ANK3: variants seen among roughly 807,000 people sequenced by gnomAD.
The protein encoded by ANK3 is ankyrin-3.
A neutral mutation model predicts 370.9 loss-of-function variants in ANK3; 57 were observed. The ratio of observed to expected loss-of-function variants is 0.15; its 90% CI spans 0.12 to 0.19. The LOEUF is 0.19. Among genes scored for constraint, ANK3 ranks in the 10% least tolerant of loss-of-function variants. The pLI, the probability that ANK3 is intolerant of heterozygous loss-of-function variation, is 1.00. For missense variants in ANK3, 4,439 were observed against 5,302.1 expected (o/e 0.84, Z 5.06); for synonymous variants, 1,929 against 1,946.3 (o/e 0.99, Z 0.23).
At chr10:60,392,980 ATTC>A (rs377264474), upstream of ANK3, among the ~76,000 whole-genome samples, 118 of 152,204 alleles carry the variant, frequency 7.8e-4, no homozygotes, top group African/African-American at 2.7e-3. Flanking sequence ...AAGGACAAAA[ATTC>A]TTAAGTGACT....
chr10:60,387,993 G>T (rs997217346), intron 1 of ANK3, among the ~76,000 whole-genome samples: 1 of 151,566 alleles, frequency 6.6e-6, no homozygotes, highest in African/African-American at 2.4e-5. Flanking sequence ...ATCACGGTGG[G>T]GGTAGGCAGA....
intron 1 of ANK3, among the ~76,000 whole-genome samples, chr10:60,633,292 GC>G (rs2078509345): frequency 6.6e-6 from 1 of 151,974 alleles, no homozygotes; most frequent in African/African-American, 2.4e-5. Context: ...ATTAAATAAT[GC>G]AGAAAATATG....
chr10:60,731,228 G>GA lies in ANK3; in HGVS notation c.57+2034dup, dbSNP rs567660210. ...TTTAAACTCATGAACACTGTAAAAA[G>GA]AAAAAAAAATTAAGTACTGAAAAAA... On this transcript the variant is annotated intron_variant, in intron 1 of 43. Coordinates refer to the ANK3 transcript ENST00000373827. 8.4e-4 allele frequency among the ~76,000 whole-genome samples: 126 copies of GA among 149,924 alleles called. 2 individuals are homozygous for GA. In the South Asian group the frequency reaches 0.022, roughly 26 times the overall value.
At chr10:60,263,025 G>T (rs1409546999) in intron 6 of ANK3, among the ~76,000 whole-genome samples, 1 of 152,142 alleles carries the variant, frequency 6.6e-6, no homozygotes, top group Non-Finnish European at 1.5e-5. Flanking sequence ...CCTACAGAAG[G>T]CGATGCAAAG....
chr10:60,365,822 G>A (rs1247541117), intron 1 of ANK3, among the ~76,000 whole-genome samples: 1 of 152,096 alleles, frequency 6.6e-6, no homozygotes, highest in Non-Finnish European at 1.5e-5. Context: ...TTAAACACAG[G>A]AAATCCAGGA....
intron 1 of ANK3, among the ~76,000 whole-genome samples, chr10:60,721,581 T>C (rs569801910): frequency 1.3e-5 from 2 of 152,318 alleles, no homozygotes; most frequent in East Asian, 3.9e-4. Context: ...AAACAAAGAT[T>C]GGATTCAATG....
At chr10:60,608,893 G>GAACTGTAAAGCATCTTTTCCT (rs1475904478) in intron 2 of ANK3, among the ~76,000 whole-genome samples, 2 of 152,148 alleles carry the variant, frequency 1.3e-5, no homozygotes, top group African/African-American at 4.8e-5. Flanking sequence ...TTTTGAAACT[G>GAACTGTAAAGCATCTTTTCCT]AACTGTAAAG....
chr10:60,275,602 C>T (rs1289879891), intron 4 of ANK3, among the ~76,000 whole-genome samples: 2 of 152,094 alleles, frequency 1.3e-5, no homozygotes, highest in Non-Finnish European at 2.9e-5. Context: ...GTCACAGAGG[C>T]TCAATCTGAA....
At chr10:60,461,439 T>C (rs563302212) in intron 2 of ANK3, among the ~76,000 whole-genome samples, 45 of 152,312 alleles carry the variant, frequency 3.0e-4, no homozygotes, top group African/African-American at 1.1e-3. Context: ...TTGTTGGTAA[T>C]GGATAGGAAC....
At chr10:60,642,945 A>G (rs550613173) in intron 1 of ANK3, among the ~76,000 whole-genome samples, 278 of 152,296 alleles carry the variant, frequency 1.8e-3, no homozygotes, top group Non-Finnish European at 3.2e-3. Flanking sequence ...TAAAACATAC[A>G]CACACATACA....
At chr10:60,700,223 C>G (rs1272319976) in intron 1 of ANK3, among the ~76,000 whole-genome samples, 1 of 152,038 alleles carries the variant, frequency 6.6e-6, no homozygotes, top group Non-Finnish European at 1.5e-5. Flanking sequence ...TATCAATGAC[C>G]TAAATAATTC....
chr10:60,587,321 A>G (rs2077846322), intron 2 of ANK3, among the ~76,000 whole-genome samples: 1 of 152,212 alleles, frequency 6.6e-6, no homozygotes, highest in Admixed American at 6.5e-5. Flanking sequence ...TAACCATATC[A>G]TTAGGTGAAG....
intron 7 of ANK3, among the ~76,000 whole-genome samples, chr10:60,239,859 A>C (rs994387058): frequency 6.6e-6 from 1 of 152,056 alleles, no homozygotes; most frequent in African/African-American, 2.4e-5. Flanking sequence ...CTCATACCAT[A>C]TTTGAAGGTA....
At chr10:60,063,814 T>C (rs17802208) in intron 39 of ANK3, among the ~76,000 whole-genome samples, 10,888 of 152,250 alleles carry the variant, frequency 0.072, 538 homozygotes, top group Non-Finnish European at 0.11. Context: ...CCTCCAGCCA[T>C]AGTGGTAACT....
At chr10:60,176,731 C>T (rs1027959537) in intron 18 of ANK3, among the ~76,000 whole-genome samples, 1 of 152,092 alleles carries the variant, frequency 6.6e-6, no homozygotes, top group Non-Finnish European at 1.5e-5. Flanking sequence ...TGCACTCCAG[C>T]CTGAGTGACA....
intron 5 of ANK3, among the ~76,000 whole-genome samples, chr10:60,268,671 T>G (rs2097916629): frequency 6.6e-6 from 1 of 151,898 alleles, no homozygotes; most frequent in African/African-American, 2.4e-5. Context: ...ATATAACTTT[T>G]TAGAAGTGCA....
chr10:60,395,489 C>T (rs1185180524), intron 2 of ANK3, among the ~76,000 whole-genome samples: 2 of 152,218 alleles, frequency 1.3e-5, no homozygotes, highest in Non-Finnish European at 2.9e-5. Context: ...CAGAAATTGT[C>T]TTCCTGAAGG....
At chr10:60,192,263 A>G (rs2096496368) in intron 16 of ANK3, among the ~76,000 whole-genome samples, 1 of 151,912 alleles carries the variant, frequency 6.6e-6, no homozygotes, top group Admixed American at 6.6e-5. Flanking sequence ...ATATATACAT[A>G]CATATAGTAG....
chr10:60,374,658 A>G (rs2060528615), intron 1 of ANK3, among the ~76,000 whole-genome samples: 1 of 152,196 alleles, frequency 6.6e-6, no homozygotes, highest in Admixed American at 6.5e-5. Context: ...AAAACAAAAC[A>G]AAACAAAAAT....
Sources: gnomAD v4.1 joint callset for allele counts (sites outside exome capture counted in the v4.1 genomes callset) on GRCh38, gnomAD v4.1.1 for gene constraint, MANE v1.5 for transcripts, NCBI Gene and HGNC (gene_info 2026-07-23, HGNC 2026-07-21) for gene names.